The following OPCML variants were observed in gnomAD, a reference collection of about 807,000 sequenced individuals.
The protein encoded by OPCML is opioid-binding protein/cell adhesion molecule.
OPCML carries 13 observed loss-of-function variants against 37.8 expected under a neutral mutation model. The observed-to-expected ratio is 0.34, with a 90% confidence interval of 0.22 to 0.55. The LOEUF (loss-of-function observed/expected upper bound fraction) is 0.55. Ranked by LOEUF, OPCML falls within the 20% of genes least tolerant of loss-of-function variation. The pLI, the probability that OPCML is intolerant of heterozygous loss-of-function variation, is 0.91. For missense variants in OPCML, 341 were observed against 435.6 expected, an observed-to-expected ratio of 0.78 and a Z score of 1.93; for synonymous variants, 176 against 168.8, an observed-to-expected ratio of 1.04 and a Z score of -0.33.
Position 133,519,679 on chromosome 11 carries a change from A to G in OPCML, c.61+12585T>C, listed in dbSNP as rs75954975. On this transcript the variant is annotated intron_variant, in intron 1 of 7. Coordinates refer to ENST00000524381, the MANE Select transcript of OPCML (RefSeq NM_001012393.5). ...CACAGCATAAAATATGACCTTGATAACAAACAAACCTCTTGCCCTCCCAGG... is the reference window on the plus strand; with the variant it reads ...CACAGCATAAAATATGACCTTGATAGCAAACAAACCTCTTGCCCTCCCAGG... Among the ~76,000 whole-genome samples the G allele has an allele frequency of 3.5e-3, 537 of 152,286 alleles. 5 individuals carry two copies. Among genetic ancestry groups the G allele is most frequent in the African/African-American group, 0.012 (511 of 41,554 alleles).
chr11:133,417,698 T>C (rs1278437434), intron 1 of OPCML, among the ~76,000 whole-genome samples: 1 of 150,984 alleles, frequency 6.6e-6, no homozygotes, highest in African/African-American at 2.5e-5. Context: ...TGTGTTCTCA[T>C]TGTTCAATTC....
chr11:133,140,531 T>TAAG (rs1168417109), intron 1 of OPCML, among the ~76,000 whole-genome samples: 1,671 of 88,062 alleles, frequency 0.019, 31 homozygotes, highest in East Asian at 0.031. Context: ...ATAATAATAA[T>TAAG]AAGAAGAAGA....
At position 133,206,931 on chromosome 11, in the gene OPCML, C is replaced by T. The variant is rs1939089732; in HGVS notation, c.62-263921G>A. ...TGACTGAGAAGCGAGGCCCGGATCACGTAATCCAGATGTTGCTCCTGAAAT... is the reference window on the plus strand; with the variant it reads ...TGACTGAGAAGCGAGGCCCGGATCATGTAATCCAGATGTTGCTCCTGAAAT... On this transcript the variant is annotated intron_variant, in intron 1 of 7. Transcript: ENST00000524381. This position sits in a 1 kb window ranked among gnomAD's most constrained non-coding sequence, Gnocchi z 4.7. Among the ~76,000 whole-genome samples the T allele has an allele frequency of 1.3e-5, 2 of 152,008 alleles. No individual in the cohort carries two copies. The highest frequency in any genetic ancestry group is 1.3e-4 in the Admixed American group (2 of 15,266).
chr11:133,371,978 C>T (rs927432323), intron 1 of OPCML, among the ~76,000 whole-genome samples: 1 of 151,914 alleles, frequency 6.6e-6, no homozygotes, highest in Admixed American at 6.6e-5. Context: ...ATGTTGATCT[C>T]ATGGAGACAG....
At position 133,431,764 on chromosome 11, in the gene OPCML, C is replaced by T. The variant is rs570800096; in HGVS notation, c.61+100500G>A. ...ACAGGTGTGAACCACTGCGCCCCGC[C>T]GAATCTCAATTTATTTTATATATAT... On this transcript the variant is annotated intron_variant, in intron 1 of 7. Coordinates refer to ENST00000524381, the MANE Select transcript of OPCML (RefSeq NM_001012393.5). Among the ~76,000 whole-genome samples the T allele has an allele frequency of 1.8e-3, 269 of 148,394 alleles. 1 individual carries two copies. The highest frequency in any genetic ancestry group is 6.2e-3 in the African/African-American group (253 of 40,530).
At chr11:132,810,074 G>T (rs529869396) in intron 2 of OPCML, among the ~76,000 whole-genome samples, 1 of 151,910 alleles carries the variant, frequency 6.6e-6, no homozygotes, top group African/African-American at 2.4e-5. Context: ...TGGACTCGAA[G>T]TCCTAACCTC....
intron 2 of OPCML, among the ~76,000 whole-genome samples, chr11:132,741,567 A>C (rs1484882008): frequency 6.6e-6 from 1 of 152,228 alleles, no homozygotes. Flanking sequence ...CTTTAAAAAA[A>C]TGCCAAGGAC....
chr11:133,265,432 A>C (rs1423513974), intron 1 of OPCML, among the ~76,000 whole-genome samples: 1 of 152,188 alleles, frequency 6.6e-6, no homozygotes, highest in Non-Finnish European at 1.5e-5. Flanking sequence ...GGGCATTTCT[A>C]TCTCTGCTAC....
chr11:133,152,119 ACTGT>A (rs1270533159), intron 1 of OPCML, among the ~76,000 whole-genome samples: 3 of 152,118 alleles, frequency 2.0e-5, no homozygotes, highest in South Asian at 2.1e-4. Flanking sequence ...GGTGTCAGAA[ACTGT>A]CTGATCTTAT....
chr11:132,590,769 T>C (rs1283730458), intron 3 of OPCML, among the ~76,000 whole-genome samples: 1 of 152,164 alleles, frequency 6.6e-6, no homozygotes, highest in Non-Finnish European at 1.5e-5. Flanking sequence ...AGGGTCCCAT[T>C]GTGGGCCACT....
At chr11:133,354,291 GCTGGTGGTGGTGACGTGTTGGTA>G (rs1592227070) in intron 1 of OPCML, among the ~76,000 whole-genome samples, 5 of 106,766 alleles carry the variant, frequency 4.7e-5, no homozygotes, top group Admixed American at 9.0e-5. Flanking sequence ...TGATGGTGGT[GCTGGTGGTGGTGACGTGTTGGTA>G]GTGGTGGTGG....
intron 1 of OPCML, chr11:133,300,176 G>C (rs1378613986): frequency 6.6e-6 from 1 of 152,020 alleles, no homozygotes; most frequent in Non-Finnish European, 1.5e-5. Flanking sequence ...AAGAAATGAA[G>C]GATCATGGAG....
chr11:132,457,988 A>T (rs1230296638), intron 4 of OPCML, among the ~76,000 whole-genome samples: 1 of 152,194 alleles, frequency 6.6e-6, no homozygotes, highest in Non-Finnish European at 1.5e-5. Context: ...CAAACCAATA[A>T]CATGGAATTT....
intron 2 of OPCML, among the ~76,000 whole-genome samples, chr11:132,790,826 TG>T (rs1216025161): frequency 6.6e-6 from 1 of 152,194 alleles, no homozygotes; most frequent in African/African-American, 2.4e-5. Flanking sequence ...ATTTTGGTTA[TG>T]GGAAAAGAGT....
intron 2 of OPCML, among the ~76,000 whole-genome samples, chr11:132,716,589 T>G (rs1207701957): frequency 6.6e-6 from 1 of 152,196 alleles, no homozygotes; most frequent in Non-Finnish European, 1.5e-5. Context: ...AAATCACTTC[T>G]CTAGGAGATG....
At chr11:132,705,633 C>T (rs1233089702) in intron 2 of OPCML, among the ~76,000 whole-genome samples, 1 of 151,948 alleles carries the variant, frequency 6.6e-6, no homozygotes, top group Non-Finnish European at 1.5e-5. Flanking sequence ...ACGGCAATTC[C>T]CCCCGCCCTT....
At chr11:133,369,485 G>C (rs2136746914) in intron 1 of OPCML, among the ~76,000 whole-genome samples, 1 of 152,296 alleles carries the variant, frequency 6.6e-6, no homozygotes, top group Admixed American at 6.5e-5. Flanking sequence ...CAGGGTAAGA[G>C]TGGTAGCAGT....
chr11:132,764,923 A>G (rs913264479), intron 2 of OPCML, among the ~76,000 whole-genome samples: 4 of 152,242 alleles, frequency 2.6e-5, no homozygotes, highest in Admixed American at 2.6e-4. Flanking sequence ...GGGCTTGTGC[A>G]CAGCCGGCAT....
At chr11:133,022,085 C>T (rs186971792) in intron 1 of OPCML, among the ~76,000 whole-genome samples, 96 of 152,312 alleles carry the variant, frequency 6.3e-4, no homozygotes, top group South Asian at 5.4e-3. Flanking sequence ...GTTTCTACTT[C>T]GCAGTAGGGC....
Sources: gnomAD v4.1 joint callset for allele counts (sites outside exome capture counted in the v4.1 genomes callset) on GRCh38, gnomAD v4.1.1 for gene constraint, Gnocchi (gnomAD v3.1) non-coding constraint, MANE v1.5 for transcripts, NCBI Gene and HGNC (gene_info 2026-07-23, HGNC 2026-07-21) for gene names.